PIBF1: variants seen among roughly 807,000 people sequenced by gnomAD.
PIBF1 encodes the protein progesterone-induced-blocking factor 1.
In PIBF1, 90 loss-of-function variants were observed where a neutral mutation model predicts 112.5. That is an observed-to-expected ratio of 0.80 (90% CI 0.67 to 0.95). The LOEUF is 0.95. Ranked by LOEUF, PIBF1 falls within the 40% of genes least tolerant of loss-of-function variation. PIBF1 has a pLI of 0.00. For synonymous variants in PIBF1, 301 were observed against 288.6 expected, an observed-to-expected ratio of 1.04 and a Z score of -0.44; for missense variants, 915 against 852.3, an observed-to-expected ratio of 1.07 and a Z score of -0.92.
chr13:72,963,044 C>G (rs1052605460), intron 14 of PIBF1, among the ~76,000 whole-genome samples: 4 of 152,126 alleles, frequency 2.6e-5, no homozygotes, highest in African/African-American at 9.7e-5. Context: ...AAAAGCCAGT[C>G]TTTTCAACAA....
intron 13 of PIBF1, among the ~76,000 whole-genome samples, chr13:72,926,574 G>C (rs1187380045): frequency 6.6e-6 from 1 of 152,292 alleles, no homozygotes; most frequent in East Asian, 1.9e-4. Flanking sequence ...GCCAGATCGT[G>C]TTATGTCTAA....
At chr13:72,869,323 G>A (rs1265442846) in intron 10 of PIBF1, among the ~76,000 whole-genome samples, 1 of 152,012 alleles carries the variant, frequency 6.6e-6, no homozygotes, top group Non-Finnish European at 1.5e-5. Context: ...GTAGGGACAT[G>A]GATGAAATTG....
chr13:72,986,467 G>A (rs1476470606), intron 16 of PIBF1, among the ~76,000 whole-genome samples: 2 of 152,110 alleles, frequency 1.3e-5, no homozygotes, highest in African/African-American at 2.4e-5. Flanking sequence ...ACTTCAGTGT[G>A]TTAATAATAG....
chr13:72,884,592 T>G (rs1194495929), intron 10 of PIBF1: 2 of 152,214 alleles, frequency 1.3e-5, no homozygotes, highest in Non-Finnish European at 1.5e-5. Context: ...AAATTAATAC[T>G]GAGTTGCTTT....
intron 14 of PIBF1, among the ~76,000 whole-genome samples, chr13:72,957,010 A>G (rs1566489157): frequency 6.6e-6 from 1 of 152,186 alleles, no homozygotes; most frequent in Non-Finnish European, 1.5e-5. Flanking sequence ...AAAATTTTTA[A>G]AAAATAGATA....
intron 10 of PIBF1, among the ~76,000 whole-genome samples, chr13:72,876,329 C>T (rs1473173957): frequency 6.6e-6 from 1 of 151,882 alleles, no homozygotes; most frequent in Non-Finnish European, 1.5e-5. Context: ...CTGTCCTGTT[C>T]CTGTAACTTT....
chr13:72,827,087 A>G lies in PIBF1; in HGVS notation c.884A>G (p.Gln295Arg). ...HEILEASHMI[Q>R]TKERSELSKE... ...ATACTTGAAGCCTCTCACATGATTC[A>G]AACAAAAGAACGAAGTGAATTATCA... Residue 295 changes from glutamine (Q) to arginine (R), a missense_variant, in exon 7 of 18, where the codon CAA becomes CGA. By Grantham distance (43) the Gln-to-Arg change is conservative. Transcript: ENST00000326291. The G allele has an allele frequency of 6.2e-7, 1 of 1,600,568 alleles. No individual in the cohort carries two copies.
intron 15 of PIBF1, among the ~76,000 whole-genome samples, chr13:72,971,268 G>A (rs1249424086): frequency 1.3e-5 from 2 of 151,678 alleles, no homozygotes; most frequent in Non-Finnish European, 2.9e-5. Flanking sequence ...GGTTATAAGT[G>A]TATACATGTA....
In PIBF1 at chr13:73,013,300, CAAAAAAAA is replaced by C. The variant is rs869055620; in HGVS notation, c.2224-2550_2224-2543del. ...TGGGCGACAGAGCGAGACTCTGTCT[CAAAAAAAA>C]AAAAAAAAAAAAAAAAAAGAAAATA... is the stretch of plus-strand genomic sequence containing the variant. On this transcript the variant is annotated intron_variant, in intron 17 of 17. Coordinates refer to ENST00000326291, the MANE Select transcript of PIBF1 (RefSeq NM_006346.4). Among the ~76,000 whole-genome samples, 109 of 14,678 alleles carry C rather than the reference CAAAAAAAA, an allele frequency of 7.4e-3. 1 individual carries two copies. Among genetic ancestry groups the C allele is most frequent in the African/African-American group, 0.021 (102 of 4,946 alleles). 9.6% of individuals were successfully genotyped at this position (14,678 alleles called of 152,430 possible).
intron 16 of PIBF1, among the ~76,000 whole-genome samples, chr13:72,984,647 T>C (rs1211720505): frequency 6.6e-6 from 1 of 152,194 alleles, no homozygotes; most frequent in African/African-American, 2.4e-5. Flanking sequence ...AAAAGACATT[T>C]GAATTTCCTT....
chr13:72,986,722 C>A (rs1239932306), intron 16 of PIBF1, among the ~76,000 whole-genome samples: 1 of 130,162 alleles, frequency 7.7e-6, no homozygotes, highest in Non-Finnish European at 1.5e-5. Flanking sequence ...CTCGCTCTGT[C>A]GCCCAGGCCG....
intron 13 of PIBF1, among the ~76,000 whole-genome samples, chr13:72,927,458 C>T (rs1296938782): frequency 6.6e-6 from 1 of 151,918 alleles, no homozygotes; most frequent in Non-Finnish European, 1.5e-5. Flanking sequence ...GAGCCGAGAT[C>T]GCGTCACTGC....
Position 72,782,166 on chromosome 13 carries a change from G to T in PIBF1, c.-231G>T, listed in dbSNP as rs573417803. The T allele has an allele frequency of 2.9e-4, 79 of 275,126 alleles. No individual in the cohort carries two copies. Among genetic ancestry groups the T allele is most frequent in the Non-Finnish European group, 4.8e-4 (70 of 145,796 alleles). 17.0% of individuals were successfully genotyped at this position (275,126 alleles called of 1,614,324 possible). A position where few individuals can be genotyped will look rare whatever the true frequency, so the allele number is the denominator to read the frequency against. On this transcript the variant is annotated 5_prime_UTR_variant, in exon 1 of 18. Transcript: ENST00000326291. The stretch of plus-strand genomic sequence containing the variant: ...CTTCCGGCGGCTTGTGGGAGTGCTG[G>T]TTCTGTCCTCCTTGCGGGTGCGGAG...
At chr13:72,972,035 T>G (rs1369911159) in intron 15 of PIBF1, among the ~76,000 whole-genome samples, 2 of 150,750 alleles carry the variant, frequency 1.3e-5, no homozygotes. Context: ...TTTATTTATT[T>G]ATTTATTTAT....
chr13:72,865,379 T>C (rs2038881687), intron 10 of PIBF1, among the ~76,000 whole-genome samples: 1 of 152,184 alleles, frequency 6.6e-6, no homozygotes, highest in Non-Finnish European at 1.5e-5. Flanking sequence ...TTTATGTTTG[T>C]AAAAACTAGC....
At chr13:72,834,860 A>C (rs2037285620) in intron 8 of PIBF1, among the ~76,000 whole-genome samples, 1 of 152,130 alleles carries the variant, frequency 6.6e-6, no homozygotes, top group Non-Finnish European at 1.5e-5. Flanking sequence ...TTTTGTTAAT[A>C]TTATTCATCT....
rs1430885064 is a variant in PIBF1 at position 72,866,641 on chromosome 13, G to A, written c.1322+12486G>A. On this transcript the variant is annotated intron_variant, in intron 10 of 17. Transcript: ENST00000326291. The stretch of plus-strand genomic sequence containing the variant: ...CAGTGACATTAAGATTAAAGAAACA[G>A]TAGTTATACATTTTTAACAGATACA... Among the ~76,000 whole-genome samples the A allele has an allele frequency of 4.6e-5, 7 of 152,174 alleles. No homozygotes were observed. In the East Asian group the frequency reaches 9.7e-4, roughly 21 times the overall value.
At chr13:72,980,806 CA>C (rs1181562078) in intron 16 of PIBF1, among the ~76,000 whole-genome samples, 1,175 of 114,168 alleles carry the variant, frequency 0.01, 12 homozygotes, top group African/African-American at 0.029. Flanking sequence ...GCCCTATCTC[CA>C]AAAAAAAAAA....
At chr13:72,968,730 G>T (rs948720364) in intron 15 of PIBF1, among the ~76,000 whole-genome samples, 1 of 151,516 alleles carries the variant, frequency 6.6e-6, no homozygotes, top group African/African-American at 2.4e-5. Context: ...AATTGCCCTA[G>T]TGGCCAATGG....
Sources: gnomAD v4.1 joint callset for allele counts (sites outside exome capture counted in the v4.1 genomes callset) on GRCh38, gnomAD v4.1.1 for gene constraint, MANE v1.5 for transcripts, NCBI Gene and HGNC (gene_info 2026-07-23, HGNC 2026-07-21) for gene names.